GRID2: variants seen among roughly 807,000 people sequenced by gnomAD.
The protein encoded by GRID2 is glutamate receptor ionotropic, delta-2.
In GRID2, 33 loss-of-function variants were observed where a neutral mutation model predicts 114.8. The ratio of observed to expected loss-of-function variants is 0.29; its 90% CI spans 0.22 to 0.38. The LOEUF is 0.38. Ranked by LOEUF, GRID2 falls within the 10% of genes least tolerant of loss-of-function variation. The pLI, the probability that GRID2 is intolerant of heterozygous loss-of-function variation, is 1.00. For missense variants in GRID2, 1,184 were observed against 1,257.7 expected, an observed-to-expected ratio of 0.94 and a Z score of 0.89; for synonymous variants, 505 against 449.9, an observed-to-expected ratio of 1.12 and a Z score of -1.55.
intron 2 of GRID2, among the ~76,000 whole-genome samples, chr4:92,623,847 C>T (rs1730392583): frequency 6.6e-6 from 1 of 151,496 alleles, no homozygotes; most frequent in Non-Finnish European, 1.5e-5. Context: ...TATTTTATAC[C>T]ATATTCTATA....
chr4:93,371,283 G>A (rs978799190), intron 8 of GRID2, among the ~76,000 whole-genome samples: 1 of 151,990 alleles, frequency 6.6e-6, no homozygotes, highest in African/African-American at 2.4e-5. Context: ...CAGGCACCAG[G>A]TACAGTTACA....
intron 8 of GRID2, chr4:93,302,701 T>G (rs562061557): frequency 2.4e-6 from 1 of 416,924 alleles, no homozygotes. Flanking sequence ...TTATTGAAAG[T>G]GGCTATTATG....
intron 2 of GRID2, among the ~76,000 whole-genome samples, chr4:92,987,141 C>T (rs1754552537): frequency 6.6e-6 from 1 of 152,066 alleles, no homozygotes; most frequent in African/African-American, 2.4e-5. Flanking sequence ...TTTGCCAGCT[C>T]TCCTGGTTCA....
intron 4 of GRID2, among the ~76,000 whole-genome samples, chr4:93,137,602 G>T (rs1735380210): frequency 6.6e-6 from 1 of 152,130 alleles, no homozygotes; most frequent in African/African-American, 2.4e-5. Context: ...AATGAACCTT[G>T]TATGTGGTTT....
At chr4:92,396,045 G>C (rs1730477301) in intron 1 of GRID2, among the ~76,000 whole-genome samples, 1 of 151,736 alleles carries the variant, frequency 6.6e-6, no homozygotes, top group African/African-American at 2.4e-5. Context: ...AGTATGATAA[G>C]ACATATTATT....
At chr4:92,552,579 A>G (rs759093047) in intron 1 of GRID2, among the ~76,000 whole-genome samples, 3 of 152,164 alleles carry the variant, frequency 2.0e-5, no homozygotes, top group Non-Finnish European at 2.9e-5. Flanking sequence ...AATGGAGAAT[A>G]TAGGAGTTTC....
At chr4:93,208,068 A>T (rs1056786670) in intron 5 of GRID2, among the ~76,000 whole-genome samples, 1 of 152,016 alleles carries the variant, frequency 6.6e-6, no homozygotes, top group African/African-American at 2.4e-5. Context: ...AATGGAAGGA[A>T]CAATGAGCAG....
At chr4:93,058,339 C>A (rs1447144577) in intron 2 of GRID2, among the ~76,000 whole-genome samples, 2 of 151,908 alleles carry the variant, frequency 1.3e-5, no homozygotes, top group African/African-American at 2.4e-5. Context: ...AGTAAAGTGA[C>A]TATATTTATT....
At chr4:93,699,311 A>G (rs1007031543) in intron 14 of GRID2, among the ~76,000 whole-genome samples, 3 of 152,072 alleles carry the variant, frequency 2.0e-5, no homozygotes, top group African/African-American at 7.2e-5. Flanking sequence ...TGTTAACATT[A>G]ATGTAACCCC....
At chr4:92,944,083 C>T (rs1358698085) in intron 2 of GRID2, among the ~76,000 whole-genome samples, 2 of 152,186 alleles carry the variant, frequency 1.3e-5, no homozygotes, top group Admixed American at 6.5e-5. Flanking sequence ...CAACTGCATG[C>T]TGGGAACCAC....
In GRID2 at chr4:93,422,827, G is replaced by T; in HGVS notation, c.1404G>T (p.Gln468His). 1.2e-6 allele frequency: 2 copies of T among 1,613,574 alleles called. No homozygotes were observed. The highest frequency in any genetic ancestry group is 1.7e-6 in the Non-Finnish European group (2 of 1,179,558). ...TCTTGGGTAAGCCGAAGAAATACCA[G>T]GGCTTCTCCATTGATGTTTTGGATG... ...ENVLGKPKKY[Q>H]GFSIDVLDAL... Residue 468 changes from glutamine (Q) to histidine (H), a missense_variant, in exon 10 of 16, where the codon CAG becomes CAT. Gln to His is a conservative substitution (Grantham distance 24). Coordinates refer to ENST00000282020, the MANE Select transcript of GRID2 (RefSeq NM_001510.4).
At chr4:93,156,813 C>T (rs772815453) in intron 4 of GRID2, among the ~76,000 whole-genome samples, 13 of 151,546 alleles carry the variant, frequency 8.6e-5, no homozygotes, top group African/African-American at 2.7e-4. Context: ...TGAAACTTAT[C>T]GGCCTATTGG....
intron 1 of GRID2, among the ~76,000 whole-genome samples, chr4:92,539,134 G>A (rs546397889): frequency 1.8e-4 from 28 of 152,004 alleles, no homozygotes; most frequent in South Asian, 1.2e-3. Context: ...GTGTTCCAAA[G>A]CAGGGGACTA....
chr4:92,628,887 T>C (rs1422191157), intron 2 of GRID2, among the ~76,000 whole-genome samples: 2 of 152,128 alleles, frequency 1.3e-5, no homozygotes, highest in African/African-American at 4.8e-5. Context: ...TTATTTTCTT[T>C]TAATCATTTT....
rs184152222 is a variant in GRID2 at position 93,372,625 on chromosome 4, T to A, written c.1246-22982T>A. ...AATGGTTTCTGTGTCTCTAGTGTCT[T>A]GTAGACATTAGAGGCACAGAAACCA... On this transcript the variant is annotated intron_variant, in intron 8 of 15. Transcript: ENST00000282020. Among the ~76,000 whole-genome samples, 208 of 152,250 alleles carry A rather than the reference T, an allele frequency of 1.4e-3. 2 individuals carry two copies. Among genetic ancestry groups the A allele is most frequent in the Admixed American group, 0.011 (168 of 15,282 alleles).
At chr4:92,789,494 C>T (rs28609983) in intron 2 of GRID2, among the ~76,000 whole-genome samples, 6 of 151,810 alleles carry the variant, frequency 4.0e-5, no homozygotes, top group African/African-American at 1.5e-4. Context: ...ATTTCATTGA[C>T]TTGCCTGTCT....
At chr4:93,440,283 G>A (rs1171222044) in intron 10 of GRID2, among the ~76,000 whole-genome samples, 3 of 152,084 alleles carry the variant, frequency 2.0e-5, no homozygotes, top group African/African-American at 7.2e-5. Context: ...ACACCTGCCA[G>A]TGACTGCCCA....
intron 2 of GRID2, among the ~76,000 whole-genome samples, chr4:92,688,037 C>CCTTTTTTTTTTTTTTTTTTTT (rs1553916864): frequency 0.01 from 463 of 44,670 alleles, 56 homozygotes; most frequent in African/African-American, 0.018. Context: ...CCTTCTTCTT[C>CCTTTTTTTTTTTTTTTTTTTT]TTTTTTTTTT....
intron 2 of GRID2, among the ~76,000 whole-genome samples, chr4:92,808,779 A>G (rs1000909257): frequency 1.7e-4 from 26 of 152,020 alleles, no homozygotes; most frequent in Non-Finnish European, 3.2e-4. Context: ...ATAAGGCAAA[A>G]GATCGTGAAT....
Sources: allele counts gnomAD v4.1 joint callset (sites outside exome capture counted in the v4.1 genomes callset), GRCh38; gene constraint gnomAD v4.1.1; transcripts MANE v1.5; gene names NCBI Gene and HGNC (gene_info 2026-07-23, HGNC 2026-07-21).